GSTO1: variants seen among roughly 807,000 people sequenced by gnomAD.
The protein encoded by GSTO1 is glutathione S-transferase omega 1.
GSTO1 carries 27 observed loss-of-function variants against 23.8 expected under a neutral mutation model. The observed-to-expected ratio is 1.13, with a 90% CI of 0.83 to 1.56. The LOEUF is 1.56. GSTO1 is among the 40% of genes most tolerant of loss of function. GSTO1 has a pLI of 0.00. For synonymous variants in GSTO1, 105 were observed against 109.3 expected, an observed-to-expected ratio of 0.96 and a Z score of 0.25; for missense variants, 255 against 285.8, an observed-to-expected ratio of 0.89 and a Z score of 0.78.
intron 2 of GSTO1, among the ~76,000 whole-genome samples, chr10:104,256,379 G>T (rs1346919601): frequency 2.0e-5 from 3 of 152,200 alleles, no homozygotes; most frequent in Non-Finnish European, 4.4e-5. Flanking sequence ...AAGTCCAGGA[G>T]CATGACACAG....
At chr10:104,255,816 T>C (rs1180864956) in intron 2 of GSTO1, among the ~76,000 whole-genome samples, 1 of 152,246 alleles carries the variant, frequency 6.6e-6, no homozygotes, top group East Asian at 1.9e-4. Flanking sequence ...GAAGTGTCTG[T>C]CTAGCTCATC....
At chr10:104,258,707 A>G (rs1355910329) in intron 2 of GSTO1, among the ~76,000 whole-genome samples, 1 of 152,206 alleles carries the variant, frequency 6.6e-6, no homozygotes, top group African/African-American at 2.4e-5. Flanking sequence ...CAAAGAAATT[A>G]GCTGGGTGTG....
intron 2 of GSTO1, among the ~76,000 whole-genome samples, chr10:104,258,764 C>T (rs2011113308): frequency 6.6e-6 from 1 of 152,108 alleles, no homozygotes; most frequent in Non-Finnish European, 1.5e-5. Context: ...AGGAGGATCG[C>T]TTTAGCCCAG....
chr10:104,258,591 C>T (rs142592654), intron 2 of GSTO1, among the ~76,000 whole-genome samples: 21 of 152,262 alleles, frequency 1.4e-4, no homozygotes, highest in African/African-American at 5.1e-4. Flanking sequence ...ATAGACACTT[C>T]TCAGGCTGGG....
intron 3 of GSTO1, among the ~76,000 whole-genome samples, chr10:104,261,151 C>T (rs554496193): frequency 3.9e-5 from 6 of 152,070 alleles, no homozygotes; most frequent in African/African-American, 1.2e-4. Context: ...GGAACTGGAT[C>T]GTGAAAGGAC....
chr10:104,266,377 T>C (rs1301148920), intron 5 of GSTO1, among the ~76,000 whole-genome samples, 187 bp downstream of exon 5: 2 of 152,204 alleles, frequency 1.3e-5, no homozygotes, highest in Non-Finnish European at 2.9e-5. Flanking sequence ...ATCACTGCAA[T>C]GGGGCAGGGG....
At position 104,255,053 on chromosome 10, in the gene GSTO1, G is replaced by T; in HGVS notation, c.34+91G>T. ...TCCGGGAGCCCAGCCGCCCGGGAGC[G>T]CCCCACCGGCGGGGAACGGGTCGGA... On this transcript the variant is annotated intron_variant, in intron 1 of 5. Transcript: ENST00000369713. 3.4e-6 allele frequency: 5 copies of T among 1,459,512 alleles called. No homozygotes were observed. The South Asian group carries it at 6.1e-5, about 18-fold the overall frequency. 90.4% of individuals were successfully genotyped at this position (1,459,512 alleles called of 1,614,324 possible). A position where few individuals can be genotyped will look rare whatever the true frequency, so the allele number is the denominator to read the frequency against.
chr10:104,265,173 C>A (rs939747819), intron 4 of GSTO1, among the ~76,000 whole-genome samples: 4 of 152,202 alleles, frequency 2.6e-5, no homozygotes, highest in Admixed American at 2.6e-4. Flanking sequence ...AAAAACACAA[C>A]ACGTTTTCAC....
At chr10:104,264,760 C>T (rs2011165671) in intron 4 of GSTO1, among the ~76,000 whole-genome samples, 2 of 152,180 alleles carry the variant, frequency 1.3e-5, no homozygotes, top group African/African-American at 2.4e-5. Context: ...GCCTAGCCTG[C>T]TTTAAATGTG....
intron 5 of GSTO1, 134 bp downstream of exon 5, chr10:104,266,324 G>C (rs989781370): frequency 8.7e-6 from 5 of 575,194 alleles, no homozygotes; most frequent in African/African-American, 7.5e-5. Flanking sequence ...GGGGAATCTT[G>C]GACTATCCCA....
chr10:104,265,189 G>A (rs7077729), intron 4 of GSTO1, among the ~76,000 whole-genome samples: 11,239 of 152,230 alleles, frequency 0.074, 1,389 homozygotes, highest in African/African-American at 0.26. Context: ...TTCACAAAGC[G>A]AACACAGCCA....
Position 104,266,196 on chromosome 10 carries a change from A to G in GSTO1, c.572+6A>G. On this transcript the variant is annotated splice_donor_region_variant and intron_variant, in intron 5 of 5. Transcript: ENST00000369713. ...GAAGCAATGAAGTTAAATGAGTAAG[A>G]TATTTGAATATTTTGTGCATAATTT... 1 of 1,435,902 alleles carries G rather than the reference A, an allele frequency of 7.0e-7. No homozygotes were observed. The highest frequency in any genetic ancestry group is 9.8e-7 in the Non-Finnish European group (1 of 1,018,002). The allele number at this position is 1,435,902 out of a possible 1,614,324, so 88.9% of individuals were successfully genotyped here. A position where few individuals can be genotyped will look rare whatever the true frequency, so the allele number is the denominator to read the frequency against.
chr10:104,254,960 A>G lies in GSTO1; in HGVS notation c.32A>G (p.Lys11Arg), dbSNP rs915721379. Residue 11 changes from lysine (K) to arginine (R), a missense_variant and splice_region_variant, in exon 1 of 6, where the codon AAG becomes AGG. Transcript: ENST00000369713. MSGESARSLG[K>R]GSAPPGPVPE... ...GGGGAGTCAGCCAGGAGCTTGGGGA[A>G]GGGTGAGGCCTGCCCGCCGCGAAGA... 4.3e-6 allele frequency: 7 copies of G among 1,609,338 alleles called. No individual in the cohort carries two copies. The African/African-American group carries it at 9.3e-5, about 21-fold the overall frequency.
intron 3 of GSTO1, among the ~76,000 whole-genome samples, chr10:104,261,678 C>T (rs1174524273): frequency 6.6e-6 from 1 of 152,116 alleles, no homozygotes; most frequent in Non-Finnish European, 1.5e-5. Flanking sequence ...ACCAGGCAGA[C>T]CCAGGTGGAA....
intron 4 of GSTO1, among the ~76,000 whole-genome samples, chr10:104,265,003 A>C (rs2011167952): frequency 6.6e-6 from 1 of 152,240 alleles, no homozygotes; most frequent in Non-Finnish European, 1.5e-5. Flanking sequence ...GAAAAGAGCA[A>C]AATTCAAAGT....
chr10:104,262,763 T>G (rs778563639), intron 3 of GSTO1, among the ~76,000 whole-genome samples: 1 of 152,196 alleles, frequency 6.6e-6, no homozygotes, highest in Non-Finnish European at 1.5e-5. Flanking sequence ...TTCTGTTATT[T>G]GTAATTTATA....
intron 2 of GSTO1, among the ~76,000 whole-genome samples, chr10:104,257,492 C>T (rs2011106595): frequency 6.6e-6 from 1 of 152,040 alleles, no homozygotes; most frequent in Admixed American, 6.6e-5. Flanking sequence ...AGGTGAGTAC[C>T]ACCACACTTG....
intron 5 of GSTO1, 128 bp downstream of exon 5, chr10:104,266,318 A>G: frequency 3.4e-6 from 2 of 583,016 alleles, no homozygotes; most frequent in Non-Finnish European, 6.3e-6. Context: ...CAGACAGGGG[A>G]ATCTTGGACT....
chr10:104,260,042 A>G (rs1252055295), intron 3 of GSTO1, among the ~76,000 whole-genome samples: 1 of 152,166 alleles, frequency 6.6e-6, no homozygotes. Context: ...CAGAATTCCC[A>G]AATTCGCCCC....
Sources: gnomAD v4.1 joint callset for allele counts (sites outside exome capture counted in the v4.1 genomes callset) on GRCh38, gnomAD v4.1.1 for gene constraint, MANE v1.5 for transcripts, NCBI Gene and HGNC (gene_info 2026-07-23, HGNC 2026-07-21) for gene names.